COL19A1: variants seen among roughly 807,000 people sequenced by gnomAD.
COL19A1 encodes collagen type XIX alpha 1 chain.
Under a neutral mutation model 190.2 loss-of-function variants are expected in COL19A1, and 159 were observed. That is an observed-to-expected ratio of 0.84 (90% confidence interval 0.73 to 0.95). COL19A1 has a LOEUF of 0.95. Among genes scored for constraint, COL19A1 ranks in the 40% least tolerant of loss-of-function variants. The pLI is 0.00. For synonymous variants in COL19A1, 509 were observed against 458.9 expected, an observed-to-expected ratio of 1.11 and a Z score of -1.39; for missense variants, 1,418 against 1,431.9, an observed-to-expected ratio of 0.99 and a Z score of 0.16.
intron 14 of COL19A1, among the ~76,000 whole-genome samples, chr6:70,058,402 A>G (rs1170956631): frequency 6.6e-6 from 1 of 152,036 alleles, no homozygotes; most frequent in East Asian, 1.9e-4. Flanking sequence ...TAATGATTGA[A>G]TCATTCTTGT....
At chr6:70,152,987 C>T (rs973723210) in intron 31 of COL19A1, among the ~76,000 whole-genome samples, 25 of 152,216 alleles carry the variant, frequency 1.6e-4, no homozygotes, top group African/African-American at 4.8e-4. Flanking sequence ...GACAATCTCG[C>T]CCGGGAATCA....
At chr6:69,941,307 A>T (rs139444644) in intron 9 of COL19A1, among the ~76,000 whole-genome samples, 2 of 152,314 alleles carry the variant, frequency 1.3e-5, no homozygotes, top group East Asian at 3.9e-4. Flanking sequence ...ATACAATACA[A>T]TATATACACA....
chr6:70,138,742 G>T (rs1303185519), intron 19 of COL19A1, among the ~76,000 whole-genome samples: 1 of 152,072 alleles, frequency 6.6e-6, no homozygotes, highest in Non-Finnish European at 1.5e-5. Context: ...TGTGGCCTAT[G>T]TACCCCAGTT....
At chr6:69,878,504 C>T (rs1045437157) in intron 1 of COL19A1, among the ~76,000 whole-genome samples, 2 of 152,052 alleles carry the variant, frequency 1.3e-5, no homozygotes, top group African/African-American at 4.8e-5. Context: ...TGAGCCACCA[C>T]GCTCGGCCTA....
Position 70,040,709 on chromosome 6 carries a change from A to G in COL19A1, c.1170+4770A>G, listed in dbSNP as rs371082304. Among the ~76,000 whole-genome samples, 14 of 152,198 alleles carry G rather than the reference A, an allele frequency of 9.2e-5. No homozygotes were observed. The East Asian group carries it at 2.5e-3, about 27-fold the overall frequency. The stretch of plus-strand genomic sequence containing the variant: ...AGAAAAGAAAAGGAAAAAAAATAAT[A>G]AGAGAAATCTGAGGCCTGTAAAAAT... On this transcript the variant is annotated intron_variant, in intron 14 of 50. Transcript: ENST00000620364.
chr6:69,974,413 C>T (rs1236909923), intron 11 of COL19A1, among the ~76,000 whole-genome samples: 2 of 152,148 alleles, frequency 1.3e-5, no homozygotes, highest in Non-Finnish European at 2.9e-5. Flanking sequence ...CAGGAACTCA[C>T]TGATAGTGAT....
chr6:69,969,693 A>G (rs973697510), intron 11 of COL19A1, among the ~76,000 whole-genome samples: 1 of 152,216 alleles, frequency 6.6e-6, no homozygotes, highest in South Asian at 2.1e-4. Flanking sequence ...TGCAAATACT[A>G]CTTCCTTTTT....
At chr6:70,024,907 G>T (rs538689795) in intron 12 of COL19A1, among the ~76,000 whole-genome samples, 1 of 152,128 alleles carries the variant, frequency 6.6e-6, no homozygotes, top group South Asian at 2.1e-4. Flanking sequence ...TTGGAGGCAC[G>T]TGGTGAAGTG....
chr6:69,889,040 C>T (rs1441970819), intron 2 of COL19A1, among the ~76,000 whole-genome samples: 2 of 152,080 alleles, frequency 1.3e-5, no homozygotes, highest in African/African-American at 4.8e-5. Context: ...TGCAAAATGC[C>T]TAAAGGCTCT....
At chr6:69,994,051 T>C (rs1776769631) in intron 11 of COL19A1, among the ~76,000 whole-genome samples, 1 of 152,136 alleles carries the variant, frequency 6.6e-6, no homozygotes, top group South Asian at 2.1e-4. Flanking sequence ...TGTTTGTTTG[T>C]TAATTTGAGA....
rs369750536 is a variant in COL19A1 at position 70,146,706 on chromosome 6, A to G, written c.1815+3A>G. On this transcript the variant is annotated splice_donor_region_variant and intron_variant, in intron 26 of 50. Coordinates refer to ENST00000620364, the MANE Select transcript of COL19A1 (RefSeq NM_001858.6). ...CACCTGGTCCACGTGGGCCAAAGGT[A>G]TACAAATATTATAGTTAATTTTTAA... 2.5e-6 allele frequency: 4 copies of G among 1,605,816 alleles called. No homozygotes were observed. Among genetic ancestry groups the G allele is most frequent in the African/African-American group, 1.3e-5 (1 of 74,526 alleles).
chr6:69,878,811 A>G (rs926978858), intron 1 of COL19A1, among the ~76,000 whole-genome samples: 7 of 152,246 alleles, frequency 4.6e-5, no homozygotes, highest in Non-Finnish European at 7.3e-5. Context: ...CCAAATGTCC[A>G]TTGATGGATG....
chr6:69,880,704 GTTA>G (rs1227809759), intron 2 of COL19A1, among the ~76,000 whole-genome samples: 1 of 152,110 alleles, frequency 6.6e-6, no homozygotes, highest in Non-Finnish European at 1.5e-5. Flanking sequence ...TGAATATTCT[GTTA>G]TTGTACAAAA....
chr6:70,121,838 G>T lies in COL19A1; in HGVS notation c.1279-42G>T, dbSNP rs76818439. 2,105 of 1,211,830 alleles carry T rather than the reference G, an allele frequency of 1.7e-3. 69 individuals carry two copies. The East Asian group carries it at 0.05, about 29-fold the overall frequency. The allele number at this position is 1,211,830 out of a possible 1,614,324, so 75.1% of individuals were successfully genotyped here. On this transcript the variant is annotated intron_variant, in intron 16 of 50. Transcript: ENST00000620364. ...TGTTATTTAAATATTCATTGTTTTG[G>T]TAAATGTGTATATATTTGTCTTTGA...
chr6:70,080,371 A>G (rs1782174928), intron 15 of COL19A1, among the ~76,000 whole-genome samples: 1 of 152,148 alleles, frequency 6.6e-6, no homozygotes, highest in Admixed American at 6.5e-5. Flanking sequence ...AAAGTCTATT[A>G]TTGCAATTTC....
At chr6:70,122,767 T>A (rs1449341850) in intron 17 of COL19A1, among the ~76,000 whole-genome samples, 1 of 152,180 alleles carries the variant, frequency 6.6e-6, no homozygotes, top group East Asian at 1.9e-4. Flanking sequence ...CCTCTTTGTT[T>A]AGAAATCCCA....
chr6:69,868,103 A>G (rs994012999), intron 1 of COL19A1, among the ~76,000 whole-genome samples: 1 of 150,824 alleles, frequency 6.6e-6, no homozygotes, highest in South Asian at 2.1e-4. Context: ...ACCAGTATCT[A>G]TTTTCAACCA....
chr6:69,948,111 T>A (rs971660592), intron 9 of COL19A1, among the ~76,000 whole-genome samples: 2 of 151,940 alleles, frequency 1.3e-5, no homozygotes, highest in African/African-American at 4.8e-5. Flanking sequence ...ACCCTTATTC[T>A]ACCAATCTTT....
intron 46 of COL19A1, among the ~76,000 whole-genome samples, chr6:70,186,164 T>A (rs1766501546): frequency 6.6e-6 from 1 of 152,202 alleles, no homozygotes; most frequent in Admixed American, 6.5e-5. Context: ...TGACCATACC[T>A]TATTTCACTT....
Sources: allele counts gnomAD v4.1 joint callset (sites outside exome capture counted in the v4.1 genomes callset), GRCh38; gene constraint gnomAD v4.1.1; transcripts MANE v1.5; gene names NCBI Gene and HGNC (gene_info 2026-07-23, HGNC 2026-07-21).